The following TOGARAM1 variants were observed in gnomAD, a reference collection of about 807,000 sequenced individuals.
The protein encoded by TOGARAM1 is TOG array regulator of axonemal microtubules protein 1.
TOGARAM1 carries 100 observed loss-of-function variants against 166.6 expected under a neutral mutation model. That is an observed-to-expected ratio of 0.60 (90% CI 0.51 to 0.71). The LOEUF is 0.71. Ranked by LOEUF, TOGARAM1 falls within the 30% of genes least tolerant of loss-of-function variation. TOGARAM1 has a pLI of 0.00. For synonymous variants in TOGARAM1, 758 were observed against 763.8 expected (o/e 0.99, Z 0.13); for missense variants, 2,029 against 2,102.7 (o/e 0.96, Z 0.69).
chr14:45,068,687 T>C (rs896305148), intron 18 of TOGARAM1, 44 bp downstream of exon 18: 3 of 1,441,630 alleles, frequency 2.1e-6, no homozygotes, highest in Non-Finnish European at 2.8e-6. Context: ...TCACTTTCTT[T>C]TCATGTTTTC....
chr14:44,997,736 G>T (rs142100712), intron 2 of TOGARAM1, among the ~76,000 whole-genome samples: 2 of 151,002 alleles, frequency 1.3e-5, no homozygotes, highest in African/African-American at 2.4e-5. Flanking sequence ...GAGGCCGGGC[G>T]CTGTGTCTCA....
At chr14:45,003,932 C>T (rs1887813565) in intron 3 of TOGARAM1, 129 bp from the exon 4 acceptor site, 1 of 640,764 alleles carries the variant, frequency 1.6e-6, no homozygotes, top group Non-Finnish European at 2.6e-6. Flanking sequence ...AGTCCTTTAC[C>T]TCATACCATA....
At chr14:45,048,447 A>G (rs1183060081) in intron 14 of TOGARAM1, among the ~76,000 whole-genome samples, 1 of 152,114 alleles carries the variant, frequency 6.6e-6, no homozygotes, top group Admixed American at 6.6e-5. Context: ...TGGAGTTAAT[A>G]TTATGGAACT....
chr14:44,967,841 G>A lies in TOGARAM1; in HGVS notation c.2046+3374G>A, dbSNP rs146629695. On this transcript the variant is annotated intron_variant, in intron 1 of 19. Transcript: ENST00000361462. Reference sequence around the variant, plus strand: ...GTTCCTTTCAATCCCAAAACTTGTAGATTTTTTTGGAAATAATTTTCAGAT... The same window carrying A: ...GTTCCTTTCAATCCCAAAACTTGTAAATTTTTTTGGAAATAATTTTCAGAT... Among the ~76,000 whole-genome samples, 96 of 152,222 alleles carry A rather than the reference G, an allele frequency of 6.3e-4. 1 individual carries two copies. In the East Asian group the frequency reaches 0.011, roughly 17 times the overall value.
intron 18 of TOGARAM1, 74 bp from the exon 19 acceptor site, chr14:45,071,638 C>A: frequency 1.1e-6 from 1 of 938,936 alleles, no homozygotes; most frequent in Non-Finnish European, 1.6e-6. Context: ...TTTTTCTTTT[C>A]AATGCTATGT....
chr14:45,067,209 G>A (rs1883177747), intron 17 of TOGARAM1, among the ~76,000 whole-genome samples: 1 of 152,032 alleles, frequency 6.6e-6, no homozygotes, highest in Non-Finnish European at 1.5e-5. Context: ...CAAAGTAAGA[G>A]GATAGCTATT....
At chr14:45,050,508 C>T (rs1882309306) in intron 14 of TOGARAM1, among the ~76,000 whole-genome samples, 1 of 152,068 alleles carries the variant, frequency 6.6e-6, no homozygotes, top group African/African-American at 2.4e-5. Context: ...CTACCTTGTC[C>T]TCTCAAAGTG....
intron 7 of TOGARAM1, among the ~76,000 whole-genome samples, chr14:45,013,396 T>G (rs190938016): frequency 3.3e-5 from 5 of 152,330 alleles, no homozygotes; most frequent in African/African-American, 9.6e-5. Context: ...TCAAGGCTTA[T>G]CATAATCGGG....
At chr14:45,052,733 A>AT (rs1207969703) in intron 15 of TOGARAM1, among the ~76,000 whole-genome samples, 171 bp downstream of exon 15, 1 of 152,236 alleles carries the variant, frequency 6.6e-6, no homozygotes, top group Non-Finnish European at 1.5e-5. Flanking sequence ...GTAGACATAC[A>AT]TATTGTCAAG....
intron 1 of TOGARAM1, among the ~76,000 whole-genome samples, chr14:44,965,324 A>G (rs1354353976): frequency 6.6e-6 from 1 of 152,222 alleles, no homozygotes; most frequent in East Asian, 1.9e-4. Flanking sequence ...AATTGTCTCC[A>G]AAAGTGTTTT....
chr14:45,055,860 T>TTC (rs1882610667), intron 16 of TOGARAM1, among the ~76,000 whole-genome samples: 1 of 149,706 alleles, frequency 6.7e-6, no homozygotes, highest in Non-Finnish European at 1.5e-5. Context: ...TTTTTTTTTT[T>TTC]CCAAAAAAAG....
In TOGARAM1 at chr14:45,027,258, C is replaced by T. The variant is rs1880904321; in HGVS notation, c.3329-41C>T. On this transcript the variant is annotated intron_variant, in intron 8 of 19. Coordinates refer to ENST00000361462, the MANE Select transcript of TOGARAM1 (RefSeq NM_001308120.2). ...AACTTTGTTGTCTAGAGTACCATCA[C>T]ATAATTAGTTAATGACTATTTGGTG... 1.9e-6 allele frequency: 3 copies of T among 1,601,866 alleles called. No homozygotes were observed. In the African/African-American group the frequency reaches 4.0e-5, roughly 22 times the overall value.
rs367710275 is a variant in TOGARAM1, at chr14:44,962,674, T to G, written c.253T>G (p.Ser85Ala). ...GGCAGTCTCAAGCAGCTGGTCTGAG[T>G]CTGGAGGCGGTTTGTCAGGGGGAGA... ...SEAVSSSWSE[S>A]GGGLSGGDEE... Residue 85 changes from serine (S) to alanine (A), a missense_variant, in exon 1 of 20, where the codon TCT becomes GCT. Coordinates refer to ENST00000361462, the MANE Select transcript of TOGARAM1 (RefSeq NM_001308120.2). 3.7e-6 allele frequency: 6 copies of G among 1,614,002 alleles called. No homozygotes were observed. The African/African-American group carries it at 6.7e-5, about 18-fold the overall frequency.
chr14:45,037,938 A>C (rs962544239), intron 11 of TOGARAM1, among the ~76,000 whole-genome samples: 1 of 151,986 alleles, frequency 6.6e-6, no homozygotes, highest in African/African-American at 2.4e-5. Flanking sequence ...GAATCGCTTG[A>C]ACCCAGGAGT....
rs768200108 is a variant in TOGARAM1, at chr14:45,044,720, A to C, written c.4004A>C (p.Gln1335Pro). The change falls in exon 13 of 20, where the codon CAA (glutamine) becomes CCA (proline). Residue 1335 changes from glutamine (Q) to proline (P), a missense_variant. Coordinates refer to ENST00000361462, the MANE Select transcript of TOGARAM1 (RefSeq NM_001308120.2). ...ACTTATTTGAAAAAGAGCATGGATC[A>C]AGAGCTAGATACCACAGTAAAAGTT... ...LFTYLKKSMD[Q>P]ELDTTVKVLL... 10 of 1,614,088 alleles carry C rather than the reference A, an allele frequency of 6.2e-6. No homozygotes were observed. The highest frequency in any genetic ancestry group is 5.9e-6 in the Non-Finnish European group (7 of 1,179,998).
Position 44,983,344 on chromosome 14 carries a change from C to T in TOGARAM1, c.2047-12402C>T, listed in dbSNP as rs1243313173. ...AAAATATTAAAAATTTTTGAGGTAGCAGGAAAGGGTGTGTGTTTTAAGTCA... is the reference window on the plus strand; with the variant it reads ...AAAATATTAAAAATTTTTGAGGTAGTAGGAAAGGGTGTGTGTTTTAAGTCA... On this transcript the variant is annotated intron_variant, in intron 1 of 19. Transcript: ENST00000361462. 1.1e-4 allele frequency among the ~76,000 whole-genome samples: 16 copies of T among 152,194 alleles called. 1 individual carries two copies. In the East Asian group the frequency reaches 3.1e-3, roughly 29 times the overall value.
At chr14:44,982,836 G>A (rs1447370304) in intron 1 of TOGARAM1, among the ~76,000 whole-genome samples, 1 of 152,118 alleles carries the variant, frequency 6.6e-6, no homozygotes, top group Non-Finnish European at 1.5e-5. Context: ...TCTCAATGAT[G>A]GTAAACAGTA....
chr14:45,067,353 G>A (rs929911893), intron 17 of TOGARAM1, among the ~76,000 whole-genome samples: 2 of 152,094 alleles, frequency 1.3e-5, no homozygotes, highest in African/African-American at 2.4e-5. Context: ...AGACAGATAA[G>A]AGACTTGATA....
rs533626089 is a variant in TOGARAM1 at position 44,968,540 on chromosome 14, G to T, written c.2046+4073G>T. ...TGGGATTACAGGCGTGAGCCACCGC[G>T]CCCGGCCTGGACTTTAATTTTTAAA... On this transcript the variant is annotated intron_variant, in intron 1 of 19. Coordinates refer to ENST00000361462, the MANE Select transcript of TOGARAM1 (RefSeq NM_001308120.2). Among the ~76,000 whole-genome samples, 6 of 152,310 alleles carry T rather than the reference G, an allele frequency of 3.9e-5. No homozygotes were observed. The East Asian group carries it at 9.6e-4, about 24-fold the overall frequency.
Sources: gnomAD v4.1 joint callset for allele counts (sites outside exome capture counted in the v4.1 genomes callset) on GRCh38, gnomAD v4.1.1 for gene constraint, MANE v1.5 for transcripts, NCBI Gene and HGNC (gene_info 2026-07-23, HGNC 2026-07-21) for gene names.